Variants in FABP7 observed in about 807,000 individuals in gnomAD.
FABP7 encodes fatty acid binding protein 7.
Under a neutral mutation model 14.2 loss-of-function variants are expected in FABP7, and 13 were observed. The observed-to-expected ratio is 0.91, with a 90% confidence interval of 0.59 to 1.45. The LOEUF is 1.45. FABP7 is among the 40% of genes most tolerant of loss of function. The pLI, the probability that FABP7 is intolerant of heterozygous loss-of-function variation, is 0.00. For synonymous variants in FABP7, 49 were observed against 51.4 expected (o/e 0.95, Z 0.20); for missense variants, 149 against 157.6 (o/e 0.95, Z 0.29).
At chr6:122,779,692 A>G, upstream of FABP7, 1 of 1,069,206 alleles carries the variant, frequency 9.4e-7, no homozygotes, top group Admixed American at 2.1e-5. Flanking sequence ...TCCAAATAAG[A>G]AGGCAGGAGC....
chr6:122,762,044 G>A, the FABP7 span, among the ~76,000 whole-genome samples: 1 of 152,086 alleles, frequency 6.6e-6, no homozygotes, highest in Non-Finnish European at 1.5e-5. Flanking sequence ...ATTTTATGAG[G>A]CCAGCGTCAT....
the FABP7 span, among the ~76,000 whole-genome samples, chr6:122,750,922 T>A: frequency 6.6e-6 from 1 of 152,204 alleles, no homozygotes; most frequent in African/African-American, 2.4e-5. Context: ...TTACTCTGAC[T>A]TTTTCTGTGT....
chr6:122,782,677 T>C (rs1780822238), intron 3 of FABP7: 2 of 985,312 alleles, frequency 2.0e-6, no homozygotes, highest in Admixed American at 6.2e-5. Context: ...TACATAGTCC[T>C]TGTACGATGA....
At chr6:122,772,207 A>G in the FABP7 span, among the ~76,000 whole-genome samples, 1 of 152,180 alleles carries the variant, frequency 6.6e-6, no homozygotes, top group Non-Finnish European at 1.5e-5. Context: ...GTTGTTGCAT[A>G]TGAATGACCC....
upstream of FABP7, among the ~76,000 whole-genome samples, chr6:122,777,458 C>T (rs1461529092): frequency 2.0e-5 from 3 of 152,110 alleles, no homozygotes; most frequent in Non-Finnish European, 2.9e-5. Flanking sequence ...GTCGGACATA[C>T]TTCTGACTTT....
At chr6:122,768,179 G>A in the FABP7 span, among the ~76,000 whole-genome samples, 1 of 152,082 alleles carries the variant, frequency 6.6e-6, no homozygotes, top group South Asian at 2.1e-4. Flanking sequence ...CATTGTATAT[G>A]CATCTGATTG....
chr6:122,779,659 A>C (rs1780731320), upstream of FABP7: 8 of 725,854 alleles, frequency 1.1e-5, no homozygotes, highest in South Asian at 1.4e-4. Context: ...AATTTAAATC[A>C]CTGGATTTTT....
the FABP7 span, among the ~76,000 whole-genome samples, chr6:122,771,701 G>A: frequency 6.6e-6 from 1 of 152,120 alleles, no homozygotes; most frequent in Non-Finnish European, 1.5e-5. Context: ...AAAACAGTGA[G>A]CCTTAATTTC....
At chr6:122,764,998 C>A in the FABP7 span, among the ~76,000 whole-genome samples, 7,995 of 152,190 alleles carry the variant, frequency 0.053, 323 homozygotes, top group Non-Finnish European at 0.078. Context: ...GTAGTTTCTT[C>A]CTGCAGATAA....
chr6:122,756,895 G>T, the FABP7 span, among the ~76,000 whole-genome samples: 1 of 152,008 alleles, frequency 6.6e-6, no homozygotes, highest in Non-Finnish European at 1.5e-5. Context: ...CATTTCACTG[G>T]CCTCTCTTTC....
At chr6:122,755,425 T>C in the FABP7 span, among the ~76,000 whole-genome samples, 1 of 151,264 alleles carries the variant, frequency 6.6e-6, no homozygotes, top group African/African-American at 2.4e-5. Flanking sequence ...TAAGTGAGAA[T>C]TCAACATTTT....
the FABP7 span, among the ~76,000 whole-genome samples, chr6:122,754,269 C>T: frequency 6.6e-6 from 1 of 152,148 alleles, no homozygotes; most frequent in African/African-American, 2.4e-5. Context: ...TAAGGATGGT[C>T]TTCAGTTGAT....
the FABP7 span, among the ~76,000 whole-genome samples, chr6:122,769,673 G>A: frequency 1.3e-5 from 2 of 151,970 alleles, no homozygotes; most frequent in East Asian, 1.9e-4. Flanking sequence ...TTAATAGGCC[G>A]AGTAGAAAAC....
At chr6:122,753,348 T>A in the FABP7 span, among the ~76,000 whole-genome samples, 1 of 152,236 alleles carries the variant, frequency 6.6e-6, no homozygotes, top group African/African-American at 2.4e-5. Flanking sequence ...CTCTGCTGCC[T>A]CTTGTTTCTT....
Position 122,783,781 on chromosome 6 carries a change from C to A in FABP7, c.*14C>A, listed in dbSNP as rs895963444. 6.2e-7 allele frequency: 1 copy of A among 1,605,094 alleles called. No individual in the cohort carries two copies. Among genetic ancestry groups the A allele is most frequent in the Non-Finnish European group, 8.5e-7 (1 of 1,175,332 alleles). On this transcript the variant is annotated 3_prime_UTR_variant, in exon 4 of 4. Coordinates refer to ENST00000368444, the MANE Select transcript of FABP7 (RefSeq NM_001446.5). ...GAGAAGGCATAAAAATGTTCCTGGT[C>A]GGGGCTTGGAAGAGCTCTTCAGTTT...
the FABP7 span, among the ~76,000 whole-genome samples, chr6:122,766,809 A>T: frequency 6.6e-6 from 1 of 152,084 alleles, no homozygotes; most frequent in Non-Finnish European, 1.5e-5. Flanking sequence ...TGTAAGAAAT[A>T]TTAAACTGGA....
At chr6:122,761,918 G>A in the FABP7 span, among the ~76,000 whole-genome samples, 1 of 152,008 alleles carries the variant, frequency 6.6e-6, no homozygotes, top group African/African-American at 2.4e-5. Flanking sequence ...AACCAAAAAT[G>A]GTCCAGGACC....
the FABP7 span, among the ~76,000 whole-genome samples, chr6:122,750,606 T>C: frequency 6.6e-6 from 1 of 152,206 alleles, no homozygotes; most frequent in Non-Finnish European, 1.5e-5. Flanking sequence ...GGAAAGTGTA[T>C]TTGGCAAGGT....
chr6:122,759,271 T>G, the FABP7 span, among the ~76,000 whole-genome samples: 1 of 152,214 alleles, frequency 6.6e-6, no homozygotes, highest in East Asian at 1.9e-4. Flanking sequence ...GGCCACAAAC[T>G]TCCCCCATAG....
Sources: gnomAD v4.1 joint callset for allele counts (sites outside exome capture counted in the v4.1 genomes callset) on GRCh38, gnomAD v4.1.1 for gene constraint, MANE v1.5 for transcripts, NCBI Gene and HGNC (gene_info 2026-07-23, HGNC 2026-07-21) for gene names.